ZSCAN4: variants seen among roughly 807,000 people sequenced by gnomAD.
The protein encoded by ZSCAN4 is zinc finger and SCAN domain-containing protein 4.
ZSCAN4 carries 18 observed loss-of-function variants against 18.3 expected under a neutral mutation model. The observed-to-expected ratio is 0.98, with a 90% confidence interval of 0.68 to 1.46. The LOEUF (loss-of-function observed/expected upper bound fraction) is 1.46, where lower values mean the gene tolerates loss of function less well. ZSCAN4 is among the 40% of genes most tolerant of loss of function. The pLI, the probability that ZSCAN4 is intolerant of heterozygous loss-of-function variation, is 0.00. For synonymous variants in ZSCAN4, 193 were observed against 180.3 expected, an observed-to-expected ratio of 1.07 and a Z score of -0.57; for missense variants, 498 against 511.4, an observed-to-expected ratio of 0.97 and a Z score of 0.25.
chr19:57,668,421 GAACATAATTCCT>G (rs907258218), upstream of ZSCAN4, among the ~76,000 whole-genome samples: 1 of 152,126 alleles, frequency 6.6e-6, no homozygotes, highest in Admixed American at 6.5e-5. Flanking sequence ...TGAGGATTCA[GAACATAATTCCT>G]AATGTGGGGA....
the ZSCAN4 span, among the ~76,000 whole-genome samples, chr19:57,663,707 CAAAAAAA>C: frequency 7.4e-3 from 650 of 87,822 alleles, 2 homozygotes; most frequent in African/African-American, 0.025. Flanking sequence ...CAACCTGTCT[CAAAAAAA>C]AAAAAAAAAA....
the ZSCAN4 span, among the ~76,000 whole-genome samples, chr19:57,653,486 A>G: frequency 6.6e-6 from 1 of 152,120 alleles, no homozygotes; most frequent in Non-Finnish European, 1.5e-5. Context: ...CCTCAGGCCA[A>G]CAAGGGCAGA....
chr19:57,671,339 A>C (rs1261211534), intron 2 of ZSCAN4, among the ~76,000 whole-genome samples: 1 of 152,110 alleles, frequency 6.6e-6, no homozygotes, highest in Non-Finnish European at 1.5e-5. Context: ...GTTCTGGGAA[A>C]TAAGCCATAA....
intron 2 of ZSCAN4, among the ~76,000 whole-genome samples, chr19:57,674,787 T>C (rs1984126156): frequency 6.6e-6 from 1 of 152,204 alleles, no homozygotes; most frequent in Non-Finnish European, 1.5e-5. Context: ...ATTTATTGAA[T>C]ACTCTTTGTA....
At chr19:57,662,723 G>C in the ZSCAN4 span, among the ~76,000 whole-genome samples, 1 of 151,902 alleles carries the variant, frequency 6.6e-6, no homozygotes, top group Non-Finnish European at 1.5e-5. Context: ...ACCACGCCCA[G>C]CTAATTTTCG....
At position 57,678,036 on chromosome 19, in the gene ZSCAN4, AC is replaced by A; in HGVS notation, c.522del (p.Ser175ProfsTer9). ...CCACAAGAGAAGCAAACATGGGGACACCCTCCCAGACTTCCCAAGATACTTC... is the reference window on the plus strand; with the variant it reads ...CCACAAGAGAAGCAAACATGGGGACACCTCCCAGACTTCCCAAGATACTTC... On this transcript the variant is annotated frameshift_variant, in exon 4 of 5. Transcript: ENST00000318203. LOFTEE classifies it low-confidence loss of function (END_TRUNC). 1 of 1,590,548 alleles carries A rather than the reference AC, an allele frequency of 6.3e-7. No individual in the cohort carries two copies. The highest frequency in any genetic ancestry group is 8.5e-7 in the Non-Finnish European group (1 of 1,171,576).
chr19:57,674,335 C>T (rs888423366), intron 2 of ZSCAN4, among the ~76,000 whole-genome samples: 5 of 152,290 alleles, frequency 3.3e-5, no homozygotes, highest in South Asian at 2.1e-4. Context: ...CCAACTCCCC[C>T]GCTGGAGTCC....
exon 5 of ZSCAN4, chr19:57,678,350 C>T: frequency 6.2e-7 from 1 of 1,614,144 alleles, no homozygotes; most frequent in Non-Finnish European, 8.5e-7. Flanking sequence ...CAGAGCTAGT[C>T]ACTGCTAGAT....
chr19:57,653,744 C>T, the ZSCAN4 span, among the ~76,000 whole-genome samples: 1 of 152,212 alleles, frequency 6.6e-6, no homozygotes, highest in African/African-American at 2.4e-5. Flanking sequence ...CAGGACAGCC[C>T]TCACCAGGAG....
At chr19:57,661,441 G>T in the ZSCAN4 span, among the ~76,000 whole-genome samples, 1 of 152,054 alleles carries the variant, frequency 6.6e-6, no homozygotes, top group Admixed American at 6.6e-5. Context: ...ACACATGATT[G>T]TTACTGGTAG....
the ZSCAN4 span, among the ~76,000 whole-genome samples, chr19:57,657,754 G>A: frequency 3.3e-5 from 5 of 152,020 alleles, no homozygotes; most frequent in Non-Finnish European, 1.5e-5. Flanking sequence ...ATATGATGTG[G>A]TATTTGCATA....
At chr19:57,655,151 T>A in the ZSCAN4 span, among the ~76,000 whole-genome samples, 2 of 152,196 alleles carry the variant, frequency 1.3e-5, no homozygotes, top group African/African-American at 4.8e-5. Context: ...TAATCCGGGA[T>A]ATGCCCCTTT....
chr19:57,675,670 A>G (rs1201923915), intron 2 of ZSCAN4, among the ~76,000 whole-genome samples: 2 of 152,164 alleles, frequency 1.3e-5, no homozygotes, highest in African/African-American at 4.8e-5. Flanking sequence ...ATTCATTGAG[A>G]TGATTTTATT....
the ZSCAN4 span, among the ~76,000 whole-genome samples, chr19:57,654,026 T>C: frequency 6.6e-6 from 1 of 152,240 alleles, no homozygotes; most frequent in Non-Finnish European, 1.5e-5. Flanking sequence ...ACTGTCAGTC[T>C]CTGGTAAGCT....
At chr19:57,664,990 G>T (rs1983817646), upstream of ZSCAN4, 1 of 164,614 alleles carries the variant, frequency 6.1e-6, no homozygotes, top group South Asian at 1.6e-4. Context: ...TTAACAATGA[G>T]GCTAAACTGG....
rs1209035158 is a variant in ZSCAN4, at chr19:57,676,468, G to A, written c.323G>A (p.Trp108Ter). 1 of 1,614,180 alleles carries A rather than the reference G, an allele frequency of 6.2e-7. No homozygotes were observed. The highest frequency in any genetic ancestry group is 8.5e-7 in the Non-Finnish European group (1 of 1,180,036). ...GACAAAGCCAGTGTGAAAGAGAAAT[G>A]GAAATCAAGTGGCAAAAACTTGGAG... The change falls in exon 3 of 5, where the codon TGG becomes TAG. Residue 108 changes from tryptophan (W) to a stop codon, truncating the protein, a stop_gained. Coordinates refer to ENST00000318203, the Ensembl canonical transcript of ZSCAN4. LOFTEE classifies it high-confidence loss of function.
chr19:57,663,520 T>TAAAAAAAAAAAAAAAAAAAAAAAA, the ZSCAN4 span, among the ~76,000 whole-genome samples: 4 of 66,574 alleles, frequency 6.0e-5, no homozygotes, highest in African/African-American at 2.6e-4. Context: ...ACCATGTCTC[T>TAAAAAAAAAAAAAAAAAAAAAAAA]AAAAAAAAAA....
At chr19:57,659,354 A>G in the ZSCAN4 span, among the ~76,000 whole-genome samples, 1 of 152,094 alleles carries the variant, frequency 6.6e-6, no homozygotes, top group African/African-American at 2.4e-5. Context: ...TATACCCCAT[A>G]TAATGAAAAA....
chr19:57,664,405 C>A (rs1983800155), upstream of ZSCAN4: 2 of 152,312 alleles, frequency 1.3e-5, no homozygotes, highest in African/African-American at 4.8e-5. Flanking sequence ...GCGTCTGGGA[C>A]CCAGCGCCGC....
Sources: gnomAD v4.1 joint callset for allele counts (sites outside exome capture counted in the v4.1 genomes callset) on GRCh38, gnomAD v4.1.1 for gene constraint, MANE v1.5 for transcripts, NCBI Gene and HGNC (gene_info 2026-07-23, HGNC 2026-07-21) for gene names.